The following CALD1 variants were observed in gnomAD, a reference collection of about 807,000 sequenced individuals.
The protein encoded by CALD1 is caldesmon 1.
Under a neutral mutation model 99.9 loss-of-function variants are expected in CALD1, and 33 were observed. The ratio of observed to expected loss-of-function variants is 0.33; its 90% CI spans 0.25 to 0.44. The LOEUF (loss-of-function observed/expected upper bound fraction) is 0.44. Among genes scored for constraint, CALD1 ranks in the 20% least tolerant of loss-of-function variants. CALD1 has a pLI of 1.00. For synonymous variants in CALD1, 310 were observed against 325.0 expected (o/e 0.95, Z 0.50); for missense variants, 861 against 962.1 (o/e 0.89, Z 1.39).
At chr7:134,827,084 G>A (rs1198034744) in intron 1 of CALD1, among the ~76,000 whole-genome samples, 1 of 152,168 alleles carries the variant, frequency 6.6e-6, no homozygotes, top group African/African-American at 2.4e-5. Flanking sequence ...ATTTTGGAGT[G>A]GACAGGGCCA....
intron 2 of CALD1, among the ~76,000 whole-genome samples, chr7:134,851,154 A>C (rs1173268256): frequency 2.6e-5 from 4 of 152,190 alleles, no homozygotes; most frequent in African/African-American, 9.7e-5. Flanking sequence ...ATAGGGATGC[A>C]GGGATGCATA....
chr7:134,744,633 T>C (rs1014903193), intron 1 of CALD1, among the ~76,000 whole-genome samples: 1 of 152,148 alleles, frequency 6.6e-6, no homozygotes, highest in African/African-American at 2.4e-5. Flanking sequence ...TAAAGTAAGC[T>C]AATTAAAGTA....
chr7:134,929,621 C>CGTGTGT (rs1554468156), intron 4 of CALD1, among the ~76,000 whole-genome samples: 3 of 4,226 alleles, frequency 7.1e-4, no homozygotes, highest in Non-Finnish European at 7.9e-4. Flanking sequence ...TGTATATATA[C>CGTGTGT]GTGTGTGTGT....
At chr7:134,764,359 G>A (rs1220881044) in intron 1 of CALD1, among the ~76,000 whole-genome samples, 2 of 152,152 alleles carry the variant, frequency 1.3e-5, no homozygotes, top group Non-Finnish European at 2.9e-5. Flanking sequence ...GGCTCAGAAA[G>A]GGAGTAGAGA....
intron 1 of CALD1, among the ~76,000 whole-genome samples, chr7:134,829,090 T>C (rs1170572060): frequency 6.6e-6 from 1 of 152,262 alleles, no homozygotes; most frequent in Non-Finnish European, 1.5e-5. Flanking sequence ...GACTACTAAA[T>C]GGCAGGCAAC....
At chr7:134,789,991 T>C (rs1585939152) in intron 1 of CALD1, among the ~76,000 whole-genome samples, 1 of 150,530 alleles carries the variant, frequency 6.6e-6, no homozygotes, top group Non-Finnish European at 1.5e-5. Context: ...ATTCCTGAGA[T>C]TGGGTTGTTT....
intron 1 of CALD1, among the ~76,000 whole-genome samples, chr7:134,813,934 T>C (rs1288885980): frequency 6.6e-6 from 1 of 152,090 alleles, no homozygotes; most frequent in Admixed American, 6.6e-5. Flanking sequence ...ACAAGATCAT[T>C]GGAGGACAGA....
In CALD1 at chr7:134,933,101, T is replaced by G; in HGVS notation, c.332T>G (p.Leu111Arg). ...ARREERRQKRLQEALERQKEF... is the reference protein window; with the variant it reads ...ARREERRQKRRQEALERQKEF... ...CGTGAGGAAAGACGCCAAAAACGCC[T>G]TCAGGAGGCTCTGGAGCGGCAGAAG... The change falls in exon 5 of 15, where the codon CTT becomes CGT. Residue 111 changes from leucine to arginine, a missense_variant. Transcript: ENST00000361675. The G allele has an allele frequency of 6.2e-7, 1 of 1,613,452 alleles. No individual in the cohort carries two copies. Among genetic ancestry groups the G allele is most frequent in the South Asian group, 1.1e-5 (1 of 91,006 alleles).
intron 3 of CALD1, among the ~76,000 whole-genome samples, chr7:134,874,621 C>T (rs777238746): frequency 4.6e-5 from 7 of 152,228 alleles, no homozygotes; most frequent in Non-Finnish European, 8.8e-5. Context: ...CTGCTTTCTG[C>T]ACCCAACATG....
chr7:134,742,026 C>CACAG (rs1796596544), upstream of CALD1, among the ~76,000 whole-genome samples: 1 of 151,824 alleles, frequency 6.6e-6, no homozygotes, highest in African/African-American at 2.4e-5. Flanking sequence ...TACACACACA[C>CACAG]ACACACACAC....
chr7:134,834,303 G>C (rs115919413), intron 1 of CALD1, among the ~76,000 whole-genome samples: 3,843 of 152,350 alleles, frequency 0.025, 161 homozygotes, highest in African/African-American at 0.088. Context: ...ATCAGTTCTT[G>C]AGATAATTAT....
Position 134,929,646 on chromosome 7 carries a change from G to GTATA in CALD1, c.218+767_218+770dup, listed in dbSNP as rs1159515485. Among the ~76,000 whole-genome samples the GTATA allele has an allele frequency of 9.2e-3, 72 of 7,868 alleles. 4 individuals carry two copies. Among genetic ancestry groups the GTATA allele is most frequent in the East Asian group, 0.029 (1 of 34 alleles). The allele number at this position is 7,868 out of a possible 152,430, so 5.2% of individuals were successfully genotyped here. A position where few individuals can be genotyped will look rare whatever the true frequency, so the allele number is the denominator to read the frequency against. ...CGTGTGTGTGTGTGTGTGTGTGTGTGTATATATATATATATATATATATAC... is the reference window on the plus strand; with the variant it reads ...CGTGTGTGTGTGTGTGTGTGTGTGTGTATATATATATATATATATATATATATAC... On this transcript the variant is annotated intron_variant, in intron 4 of 14. Coordinates refer to ENST00000361675, the MANE Select transcript of CALD1 (RefSeq NM_033138.4).
Position 134,853,856 on chromosome 7 carries a change from G to A in CALD1, c.-42+9885G>A, listed in dbSNP as rs370553467. 7.0e-4 allele frequency among the ~76,000 whole-genome samples: 79 copies of A among 113,218 alleles called. 2 individuals are homozygous for A. The East Asian group carries it at 0.02, about 28-fold the overall frequency. The allele number at this position is 113,218 out of a possible 152,430, so 74.3% of individuals were successfully genotyped here. A position where few individuals can be genotyped will look rare whatever the true frequency, so the allele number is the denominator to read the frequency against. ...TATTTCTCCTAATGCCATCCCTCCC[G>A]TAGCCCCCCACCCCCACCCCGACAG... On this transcript the variant is annotated intron_variant, in intron 2 of 14. Coordinates refer to ENST00000361675, the MANE Select transcript of CALD1 (RefSeq NM_033138.4).
intron 13 of CALD1, chr7:134,963,004 A>G: frequency 2.2e-6 from 1 of 447,456 alleles, no homozygotes. Flanking sequence ...TATTTTCTTA[A>G]AAGGACTCTT....
chr7:134,910,185 T>C (rs187002727), intron 3 of CALD1, among the ~76,000 whole-genome samples: 1 of 152,340 alleles, frequency 6.6e-6, no homozygotes, highest in African/African-American at 2.4e-5. Context: ...ACTAGCCCCG[T>C]AGAGATCCAT....
intron 1 of CALD1, among the ~76,000 whole-genome samples, chr7:134,819,740 A>G (rs1798699366): frequency 6.6e-6 from 1 of 152,148 alleles, no homozygotes; most frequent in Non-Finnish European, 1.5e-5. Context: ...CCCAGATGTG[A>G]TGGCACGTGC....
chr7:134,739,114 G>C, the CALD1 span, among the ~76,000 whole-genome samples: 3 of 152,206 alleles, frequency 2.0e-5, no homozygotes, highest in Non-Finnish European at 4.4e-5. Context: ...AGCAACGTAA[G>C]TGGGGCAGAG....
At chr7:134,872,651 T>A (rs1428686629) in intron 3 of CALD1, among the ~76,000 whole-genome samples, 1 of 152,140 alleles carries the variant, frequency 6.6e-6, no homozygotes, top group South Asian at 2.1e-4. Flanking sequence ...TCTAAGGGTA[T>A]TAGTAACTTT....
At chr7:134,858,728 C>A (rs1800428710) in intron 2 of CALD1, among the ~76,000 whole-genome samples, 1 of 152,102 alleles carries the variant, frequency 6.6e-6, no homozygotes, top group Non-Finnish European at 1.5e-5. Context: ...CGCCACCACA[C>A]CCAGCTAATT....
Sources: allele counts gnomAD v4.1 joint callset (sites outside exome capture counted in the v4.1 genomes callset), GRCh38; gene constraint gnomAD v4.1.1; transcripts MANE v1.5; gene names NCBI Gene and HGNC (gene_info 2026-07-23, HGNC 2026-07-21).